Variants in AVEN observed in about 807,000 individuals in gnomAD.
The protein encoded by AVEN is cell death regulator Aven.
In AVEN, 41 loss-of-function variants were observed where a neutral mutation model predicts 38.1. The observed-to-expected ratio is 1.08, with a 90% CI of 0.84 to 1.40. AVEN has a LOEUF of 1.40. AVEN is among the 40% of genes most tolerant of loss of function. The pLI, the probability that AVEN is intolerant of heterozygous loss-of-function variation, is 0.00. For missense variants in AVEN, 605 were observed against 438.8 expected (o/e 1.38, Z -3.38); for synonymous variants, 206 against 171.8 (o/e 1.20, Z -1.56).
chr15:33,911,802 G>C (rs1025267836), intron 2 of AVEN, among the ~76,000 whole-genome samples: 1 of 152,178 alleles, frequency 6.6e-6, no homozygotes, highest in African/African-American at 2.4e-5. Flanking sequence ...AATTGAAGTA[G>C]CAATTACAGG....
chr15:33,910,607 G>A (rs139763245), intron 2 of AVEN, among the ~76,000 whole-genome samples: 311 of 152,322 alleles, frequency 2.0e-3, no homozygotes, highest in Non-Finnish European at 3.8e-3. Flanking sequence ...AAGTGACAGG[G>A]AGAGAGAATG....
chr15:33,904,708 T>TACACACACACAC (rs568492308), intron 2 of AVEN, among the ~76,000 whole-genome samples: 11 of 115,062 alleles, frequency 9.6e-5, no homozygotes, highest in African/African-American at 3.5e-4. Context: ...TATATATATA[T>TACACACACACAC]ATATATATAC....
chr15:34,052,257 A>G (rs1357221869), intron 5 of AVEN, among the ~76,000 whole-genome samples: 2 of 152,244 alleles, frequency 1.3e-5, no homozygotes, highest in Non-Finnish European at 2.9e-5. Flanking sequence ...CCACATGATT[A>G]TCTCCATAGA....
upstream of AVEN, among the ~76,000 whole-genome samples, chr15:34,043,616 A>G (rs1034676007): frequency 6.6e-6 from 1 of 152,174 alleles, no homozygotes; most frequent in Non-Finnish European, 1.5e-5. Context: ...GGTGGAGAAA[A>G]GGGAAAGTGA....
intron 2 of AVEN, among the ~76,000 whole-genome samples, chr15:33,907,421 T>C (rs1892746979): frequency 6.6e-6 from 1 of 152,194 alleles, no homozygotes; most frequent in Admixed American, 6.5e-5. Flanking sequence ...CCACATGGGA[T>C]TATGCTTTTT....
At chr15:34,024,337 G>C (rs1417642033) in intron 1 of AVEN, among the ~76,000 whole-genome samples, 1 of 152,020 alleles carries the variant, frequency 6.6e-6, no homozygotes, top group Non-Finnish European at 1.5e-5. Flanking sequence ...GAAGAGTGAT[G>C]GGCGGCAATC....
intron 3 of AVEN, among the ~76,000 whole-genome samples, chr15:33,875,176 C>G (rs1231714685): frequency 6.6e-6 from 1 of 152,154 alleles, no homozygotes; most frequent in Non-Finnish European, 1.5e-5. Flanking sequence ...AGGACAGTGC[C>G]TACGGGCTTC....
downstream of AVEN, among the ~76,000 whole-genome samples, chr15:33,863,366 G>A (rs1466342737): frequency 2.0e-5 from 3 of 152,184 alleles, no homozygotes; most frequent in African/African-American, 7.2e-5. Context: ...GCCAGGACCT[G>A]ACGCTCTATA....
chr15:34,035,989 T>C (rs766945202), intron 1 of AVEN, among the ~76,000 whole-genome samples: 4 of 151,456 alleles, frequency 2.6e-5, no homozygotes, highest in Admixed American at 6.6e-5. Context: ...AGAGAGGGGG[T>C]CTCGTTATGT....
At chr15:33,864,910 G>A (rs752025521), downstream of AVEN, 5 of 503,588 alleles carry the variant, frequency 9.9e-6, no homozygotes, top group Non-Finnish European at 1.8e-5. Flanking sequence ...TTGGGGCAGA[G>A]GGGGATTTTT....
chr15:34,038,574 G>A (rs1056840802), intron 1 of AVEN, among the ~76,000 whole-genome samples: 15 of 151,670 alleles, frequency 9.9e-5, no homozygotes, highest in African/African-American at 3.4e-4. Context: ...CCGGCCAGGA[G>A]GCCACGAGGG....
At chr15:33,930,045 G>C (rs1253543517) in intron 2 of AVEN, among the ~76,000 whole-genome samples, 3 of 152,096 alleles carry the variant, frequency 2.0e-5, no homozygotes, top group Admixed American at 6.5e-5. Flanking sequence ...AATACTAAAG[G>C]GGCCCTATAA....
chr15:34,017,286 A>T (rs1169991026), intron 1 of AVEN, among the ~76,000 whole-genome samples: 1 of 152,034 alleles, frequency 6.6e-6, no homozygotes, highest in African/African-American at 2.4e-5. Flanking sequence ...AGCAAACACC[A>T]CCACCCCATT....
chr15:34,001,881 ATCAAAG>A (rs1421197093), intron 2 of AVEN, among the ~76,000 whole-genome samples: 8 of 152,202 alleles, frequency 5.3e-5, no homozygotes, highest in Non-Finnish European at 1.2e-4. Flanking sequence ...AAACAGCAAC[ATCAAAG>A]TCATGAGGAA....
At chr15:34,038,675 T>G (rs1899286713) in intron 1 of AVEN, 105 bp downstream of exon 1, 23 of 992,032 alleles carry the variant, frequency 2.3e-5, no homozygotes, top group Admixed American at 5.3e-5. Flanking sequence ...CCGCCGCCCG[T>G]CTGGCGCGCG....
rs1007048305 is a variant in AVEN, at chr15:33,867,606, G to T, written c.862C>A (p.Leu288Met). The change falls in exon 5 of 6, where the codon CTG becomes ATG. Residue 288 changes from leucine to methionine, a missense_variant. Transcript: ENST00000306730. Reference protein sequence around the residue: ...AGDHLEEELDLLLNLDAPIKE... With the variant: ...AGDHLEEELDMLLNLDAPIKE... ...ATAGGTGCATCTAAATTAAGCAACAGATCTAGTTCTTCTTCCAAATGGTCT... is the reference window on the plus strand; with the variant it reads ...ATAGGTGCATCTAAATTAAGCAACATATCTAGTTCTTCTTCCAAATGGTCT... The T allele has an allele frequency of 6.2e-7, 1 of 1,614,210 alleles. No homozygotes were observed. Among genetic ancestry groups the T allele is most frequent in the Admixed American group, 1.7e-5 (1 of 60,026 alleles).
chr15:33,923,765 G>A (rs535600788), intron 2 of AVEN, among the ~76,000 whole-genome samples: 1 of 151,926 alleles, frequency 6.6e-6, no homozygotes, highest in South Asian at 2.1e-4. Context: ...AGGGGAGAGT[G>A]AGCAAAGCTT....
chr15:34,015,543 A>G (rs1384407984), intron 1 of AVEN, among the ~76,000 whole-genome samples: 3 of 152,190 alleles, frequency 2.0e-5, no homozygotes, highest in Non-Finnish European at 2.9e-5. Context: ...TTATAATACA[A>G]TCTCACTGTT....
intron 2 of AVEN, among the ~76,000 whole-genome samples, chr15:33,886,022 G>T (rs774906441): frequency 1.8e-4 from 27 of 152,146 alleles, no homozygotes; most frequent in Non-Finnish European, 3.5e-4. Context: ...TCTTTGGATG[G>T]GCAATGAAGT....
Sources: gnomAD v4.1 joint callset for allele counts (sites outside exome capture counted in the v4.1 genomes callset) on GRCh38, gnomAD v4.1.1 for gene constraint, MANE v1.5 for transcripts, NCBI Gene and HGNC (gene_info 2026-07-23, HGNC 2026-07-21) for gene names.